The following RCAN1 variants were observed in gnomAD, a reference collection of about 807,000 sequenced individuals.
The protein encoded by RCAN1 is calcipressin-1.
Under a neutral mutation model 22.9 loss-of-function variants are expected in RCAN1, and 11 were observed. That is an observed-to-expected ratio of 0.48 (90% CI 0.30 to 0.79). RCAN1 has a LOEUF of 0.79. Among genes scored for constraint, RCAN1 ranks in the 30% least tolerant of loss-of-function variants. The probability of loss-of-function intolerance (pLI) is 0.06; values close to 1 mark genes in which losing one functional copy is unlikely to be tolerated. For synonymous variants in RCAN1, 136 were observed against 142.3 expected (o/e 0.96, Z 0.32); for missense variants, 291 against 337.8 (o/e 0.86, Z 1.09).
chr21:34,589,738 G>A (rs781169291), intron 1 of RCAN1, among the ~76,000 whole-genome samples: 5 of 151,904 alleles, frequency 3.3e-5, no homozygotes, highest in Admixed American at 6.6e-5. Context: ...TTTCCTGCCC[G>A]CCTGCCTGAG....
intron 1 of RCAN1, among the ~76,000 whole-genome samples, chr21:34,566,133 C>T (rs1238302284): frequency 6.6e-6 from 1 of 152,186 alleles, no homozygotes; most frequent in African/African-American, 2.4e-5. Context: ...ACAGAGGAAG[C>T]TGCCTTTTCC....
At chr21:34,520,894 C>G (rs560058058) in intron 3 of RCAN1, among the ~76,000 whole-genome samples, 2 of 152,220 alleles carry the variant, frequency 1.3e-5, no homozygotes, top group African/African-American at 4.8e-5. Flanking sequence ...GAACCTACCC[C>G]CTCCCCGCAG....
Position 34,518,641 on chromosome 21 carries a change from C to T in RCAN1, c.587-385G>A, listed in dbSNP as rs375484056. 1.3e-5 allele frequency among the ~76,000 whole-genome samples: 2 copies of T among 152,290 alleles called. No individual in the cohort carries two copies. The highest frequency in any genetic ancestry group is 6.5e-5 in the Admixed American group (1 of 15,298). On this transcript the variant is annotated intron_variant, in intron 3 of 3. Transcript: ENST00000313806. This position sits in a 1 kb window ranked among gnomAD's most constrained non-coding sequence, Gnocchi z 4.2. ...TTCAGGAAAAAGATGGATGAAGAAA[C>T]GTATTTGGAAACAGAACCCTGGGCC...
At chr21:34,533,091 G>A (rs942104993) in intron 1 of RCAN1, among the ~76,000 whole-genome samples, 19 of 151,314 alleles carry the variant, frequency 1.3e-4, no homozygotes, top group African/African-American at 4.4e-4. Flanking sequence ...CTCCCGAGTA[G>A]CTGGGACTAC....
chr21:34,580,023 CGGTGTCAG>C (rs1402601607), intron 1 of RCAN1, among the ~76,000 whole-genome samples: 1 of 152,234 alleles, frequency 6.6e-6, no homozygotes, highest in Non-Finnish European at 1.5e-5. Context: ...CACTAACACC[CGGTGTCAG>C]AGAACAGAGG....
At chr21:34,595,590 G>A (rs1988120954) in intron 1 of RCAN1, among the ~76,000 whole-genome samples, 1 of 152,210 alleles carries the variant, frequency 6.6e-6, no homozygotes, top group South Asian at 2.1e-4. Flanking sequence ...ACGTAAGCCA[G>A]TGCAGGAGCC....
At chr21:34,602,805 ATC>A (rs1183218864) in intron 1 of RCAN1, among the ~76,000 whole-genome samples, 1 of 152,230 alleles carries the variant, frequency 6.6e-6, no homozygotes, top group Non-Finnish European at 1.5e-5. Flanking sequence ...AAATGTTTTC[ATC>A]TGAGTTCTCT....
chr21:34,540,140 C>T (rs540609450), intron 1 of RCAN1, among the ~76,000 whole-genome samples: 227 of 152,310 alleles, frequency 1.5e-3, no homozygotes, highest in African/African-American at 5.1e-3. Context: ...TGGAAGGTTA[C>T]ATAATAAACT....
chr21:34,519,397 C>CTTTCTTTTTTT (rs1555853490), intron 3 of RCAN1, among the ~76,000 whole-genome samples: 2 of 102,786 alleles, frequency 1.9e-5, no homozygotes, highest in African/African-American at 7.5e-5. Context: ...TTCTTTCTTT[C>CTTTCTTTTTTT]TTTTTTTTTT....
intron 1 of RCAN1, among the ~76,000 whole-genome samples, chr21:34,597,181 C>T (rs183215990): frequency 3.9e-5 from 6 of 152,246 alleles, no homozygotes; most frequent in African/African-American, 1.4e-4. Flanking sequence ...AGCTACCAGC[C>T]ACATGGGGCT....
intron 1 of RCAN1, among the ~76,000 whole-genome samples, chr21:34,526,447 C>T (rs1325136023): frequency 2.6e-5 from 4 of 152,188 alleles, no homozygotes; most frequent in Admixed American, 6.5e-5. Flanking sequence ...GTTCAGGGGC[C>T]TGGATGTTGT....
At chr21:34,542,380 T>A (rs1985950399) in intron 1 of RCAN1, among the ~76,000 whole-genome samples, 3 of 151,202 alleles carry the variant, frequency 2.0e-5, no homozygotes, top group African/African-American at 7.3e-5. Context: ...CACTTCCTCT[T>A]GGAACCCAGT....
chr21:34,531,507 T>C (rs965049039), intron 1 of RCAN1, among the ~76,000 whole-genome samples: 2 of 152,190 alleles, frequency 1.3e-5, no homozygotes, highest in East Asian at 3.8e-4. Context: ...AACTGTAATA[T>C]CTTCCCAACT....
At chr21:34,533,114 C>T (rs964386370) in intron 1 of RCAN1, among the ~76,000 whole-genome samples, 13 of 151,790 alleles carry the variant, frequency 8.6e-5, no homozygotes, top group Admixed American at 6.6e-5. Flanking sequence ...GTGCCCGCCA[C>T]CACGCCCGGC....
intron 1 of RCAN1, among the ~76,000 whole-genome samples, chr21:34,590,991 T>C (rs1020356252): frequency 2.0e-5 from 3 of 152,210 alleles, no homozygotes; most frequent in African/African-American, 7.2e-5. Context: ...AAAGCCCTTA[T>C]GATCCGTGCA....
chr21:34,521,293 G>A (rs895322578), intron 3 of RCAN1: 17 of 1,453,008 alleles, frequency 1.2e-5, no homozygotes, highest in East Asian at 2.5e-5. Flanking sequence ...ACGATCAGCC[G>A]CAGTCTCTCT....
chr21:34,615,091 G>T lies in RCAN1; in HGVS notation c.-80C>A, dbSNP rs1196639761. 2.0e-6 allele frequency: 2 copies of T among 996,014 alleles called. No individual in the cohort carries two copies. Among genetic ancestry groups the T allele is most frequent in the South Asian group, 4.7e-5 (1 of 21,428 alleles). The allele number at this position is 996,014 out of a possible 1,614,324, so 61.7% of individuals were successfully genotyped here. On this transcript the variant is annotated 5_prime_UTR_variant, in exon 1 of 4. Coordinates refer to ENST00000313806, the MANE Select transcript of RCAN1 (RefSeq NM_004414.7). ...CGGAGCCTCACGCGCTCCGGTCCGC[G>T]CCCGGCCGGCGGCTCCGCCGTTAAC...
At chr21:34,595,903 C>G (rs1169116493) in intron 1 of RCAN1, among the ~76,000 whole-genome samples, 1 of 152,224 alleles carries the variant, frequency 6.6e-6, no homozygotes, top group African/African-American at 2.4e-5. Flanking sequence ...TGGGGGTCCC[C>G]CACACAGTCC....
At chr21:34,550,012 G>A (rs1456948548) in intron 1 of RCAN1, among the ~76,000 whole-genome samples, 2 of 152,166 alleles carry the variant, frequency 1.3e-5, no homozygotes, top group East Asian at 3.9e-4. Flanking sequence ...ATGAGGTGGA[G>A]TATGGAAGAA....
Sources: gnomAD v4.1 joint callset for allele counts (sites outside exome capture counted in the v4.1 genomes callset) on GRCh38, gnomAD v4.1.1 for gene constraint, Gnocchi (gnomAD v3.1) non-coding constraint, MANE v1.5 for transcripts, NCBI Gene and HGNC (gene_info 2026-07-23, HGNC 2026-07-21) for gene names.